SCOC: variants seen among roughly 807,000 people sequenced by gnomAD.
The protein encoded by SCOC is short coiled-coil protein, also known as short coiled coil protein.
SCOC carries 7 observed loss-of-function variants against 9.9 expected under a neutral mutation model. The ratio of observed to expected loss-of-function variants is 0.71; its 90% CI spans 0.40 to 1.33. The LOEUF (loss-of-function observed/expected upper bound fraction) is 1.33. Ranked by LOEUF, SCOC falls within the 40% of genes most tolerant of loss-of-function variation. The pLI, the probability that SCOC is intolerant of heterozygous loss-of-function variation, is 0.01. For missense variants in SCOC, 66 were observed against 89.7 expected, an observed-to-expected ratio of 0.74 and a Z score of 1.07; for synonymous variants, 19 against 28.2, an observed-to-expected ratio of 0.67 and a Z score of 1.03.
upstream of SCOC, among the ~76,000 whole-genome samples, chr4:140,340,260 T>C (rs1447404033): frequency 6.7e-6 from 1 of 149,764 alleles, no homozygotes; most frequent in Non-Finnish European, 1.5e-5. Context: ...TGAGAACACA[T>C]GGACACAGAA....
At chr4:140,373,478 A>C (rs1310918575), upstream of SCOC, 6 of 1,549,074 alleles carry the variant, frequency 3.9e-6, no homozygotes, top group South Asian at 4.8e-5. Flanking sequence ...TCCTTTTGTT[A>C]TGGCAAAGGT....
intron 2 of SCOC, among the ~76,000 whole-genome samples, chr4:140,357,785 C>A (rs1727291493): frequency 6.6e-6 from 1 of 152,152 alleles, no homozygotes; most frequent in African/African-American, 2.4e-5. Context: ...CTTTTCCTAA[C>A]CCATCGTAGT....
chr4:140,290,932 A>G (rs1001493832), intron 1 of SCOC, among the ~76,000 whole-genome samples: 1 of 152,214 alleles, frequency 6.6e-6, no homozygotes, highest in African/African-American at 2.4e-5. Context: ...GCTCAGAAAC[A>G]TGTGGGGGCT....
chr4:140,370,175 A>G (rs549055322), upstream of SCOC, among the ~76,000 whole-genome samples: 6 of 152,278 alleles, frequency 3.9e-5, no homozygotes, highest in South Asian at 4.1e-4. Context: ...AGATTTACAA[A>G]TATCTTTCTG....
intron 1 of SCOC, among the ~76,000 whole-genome samples, chr4:140,330,326 G>A (rs1021942332): frequency 2.0e-5 from 3 of 152,110 alleles, no homozygotes; most frequent in Non-Finnish European, 4.4e-5. Flanking sequence ...CAGTGTACAC[G>A]GCTGGGGTGC....
chr4:140,375,984 TTATA>T (rs1354402559), intron 1 of SCOC, among the ~76,000 whole-genome samples: 1 of 152,160 alleles, frequency 6.6e-6, no homozygotes, highest in African/African-American at 2.4e-5. Flanking sequence ...AGATTTGCGT[TTATA>T]TATAGGAGCA....
intron 1 of SCOC, among the ~76,000 whole-genome samples, chr4:140,279,546 A>T (rs896149869): frequency 6.6e-6 from 1 of 152,204 alleles, no homozygotes; most frequent in Non-Finnish European, 1.5e-5. Flanking sequence ...AGATTGGAAC[A>T]TAAGAGGAAA....
chr4:140,319,168 T>G (rs1732422046), intron 1 of SCOC, among the ~76,000 whole-genome samples: 1 of 152,174 alleles, frequency 6.6e-6, no homozygotes, highest in African/African-American at 2.4e-5. Context: ...CTTGGCTCAC[T>G]GCAACCTCTG....
chr4:140,292,303 C>G (rs1731499893), intron 1 of SCOC, among the ~76,000 whole-genome samples: 1 of 151,754 alleles, frequency 6.6e-6, no homozygotes, highest in Non-Finnish European at 1.5e-5. Flanking sequence ...ATTCTCGTGC[C>G]TCACCCTCCC....
chr4:140,372,478 A>G (rs570829992), upstream of SCOC, among the ~76,000 whole-genome samples: 1 of 152,328 alleles, frequency 6.6e-6, no homozygotes, highest in South Asian at 2.1e-4. Context: ...CTCTTTGAAT[A>G]CTGCCTGCAT....
At chr4:140,258,891 G>A (rs1730568895) in intron 1 of SCOC, among the ~76,000 whole-genome samples, 1 of 152,176 alleles carries the variant, frequency 6.6e-6, no homozygotes, top group Non-Finnish European at 1.5e-5. Context: ...ATCCATGAAT[G>A]GCTTCTTGCT....
At chr4:140,263,136 C>A (rs897602538) in intron 1 of SCOC, among the ~76,000 whole-genome samples, 1 of 152,204 alleles carries the variant, frequency 6.6e-6, no homozygotes, top group Non-Finnish European at 1.5e-5. Flanking sequence ...GCATTTGCAT[C>A]TCTTTAAACT....
chr4:140,278,652 C>T (rs1297157269), intron 1 of SCOC, among the ~76,000 whole-genome samples: 1 of 152,180 alleles, frequency 6.6e-6, no homozygotes, highest in Non-Finnish European at 1.5e-5. Context: ...CCCAGAGGCC[C>T]TACCTTCTAA....
chr4:140,325,994 A>G (rs1428965936), intron 1 of SCOC, among the ~76,000 whole-genome samples: 1 of 152,232 alleles, frequency 6.6e-6, no homozygotes, highest in Non-Finnish European at 1.5e-5. Flanking sequence ...CTATTGCTCA[A>G]CAATAAAAAT....
chr4:140,344,864 G>A (rs1170143130), intron 2 of SCOC, among the ~76,000 whole-genome samples: 4 of 152,150 alleles, frequency 2.6e-5, no homozygotes, highest in Non-Finnish European at 5.9e-5. Context: ...GATGCAGTTC[G>A]TAGAGAAAGC....
intron 2 of SCOC, among the ~76,000 whole-genome samples, chr4:140,345,616 T>C (rs1726702280): frequency 6.6e-6 from 1 of 152,210 alleles, no homozygotes; most frequent in Admixed American, 6.5e-5. Flanking sequence ...TCATTCAAAT[T>C]GTGGAATCCT....
chr4:140,378,421 A>AT (rs147519659), intron 1 of SCOC, among the ~76,000 whole-genome samples: 2,265 of 152,074 alleles, frequency 0.015, 42 homozygotes, highest in African/African-American at 0.053. Flanking sequence ...TTTTATACAC[A>AT]TTTTTTCATG....
At chr4:140,343,067 G>C (rs1726566044), upstream of SCOC, among the ~76,000 whole-genome samples, 1 of 151,488 alleles carries the variant, frequency 6.6e-6, no homozygotes, top group East Asian at 1.9e-4. Context: ...TATATGTATG[G>C]CATATATGTA....
chr4:140,274,479 T>G (rs1441130851), intron 1 of SCOC, among the ~76,000 whole-genome samples: 1 of 152,202 alleles, frequency 6.6e-6, no homozygotes, highest in Non-Finnish European at 1.5e-5. Flanking sequence ...GGTTCACTCA[T>G]GGCTGCCATG....
Sources: allele counts gnomAD v4.1 joint callset (sites outside exome capture counted in the v4.1 genomes callset), GRCh38; gene constraint gnomAD v4.1.1; transcripts MANE v1.5; gene names NCBI Gene and HGNC (gene_info 2026-07-23, HGNC 2026-07-21).